BNIP3L: variants seen among roughly 807,000 people sequenced by gnomAD.
BNIP3L encodes BCL2 interacting protein 3 like, also known as BCL2/adenovirus E1B 19 kDa protein-interacting protein 3-like.
In BNIP3L, 10 loss-of-function variants were observed where a neutral mutation model predicts 25.5. The observed-to-expected ratio is 0.39, with a 90% CI of 0.24 to 0.67. The LOEUF (loss-of-function observed/expected upper bound fraction) is 0.67, where lower values mean the gene tolerates loss of function less well. Among genes scored for constraint, BNIP3L ranks in the 30% least tolerant of loss-of-function variants. The pLI, the probability that BNIP3L is intolerant of heterozygous loss-of-function variation, is 0.45. For synonymous variants in BNIP3L, 113 were observed against 101.2 expected, an observed-to-expected ratio of 1.12 and a Z score of -0.70; for missense variants, 215 against 270.9, an observed-to-expected ratio of 0.79 and a Z score of 1.45.
At chr8:26,386,023 G>A (rs1457170105) in intron 1 of BNIP3L, among the ~76,000 whole-genome samples, 1 of 152,130 alleles carries the variant, frequency 6.6e-6, no homozygotes, top group Non-Finnish European at 1.5e-5. Context: ...ATAAGTCGAA[G>A]GACTTTGTTG....
At chr8:26,385,413 A>G (rs954152773) in intron 1 of BNIP3L, among the ~76,000 whole-genome samples, 4 of 152,036 alleles carry the variant, frequency 2.6e-5, no homozygotes, top group East Asian at 3.9e-4. Flanking sequence ...CCTGGCCAAC[A>G]TGGTGAGAGA....
intron 3 of BNIP3L, among the ~76,000 whole-genome samples, chr8:26,404,458 A>C (rs2117490787): frequency 6.6e-6 from 1 of 152,238 alleles, no homozygotes; most frequent in Non-Finnish European, 1.5e-5. Context: ...AGGAAAACTT[A>C]AGTGATCAGA....
At chr8:26,385,142 T>C (rs1483144609) in intron 1 of BNIP3L, among the ~76,000 whole-genome samples, 1 of 152,246 alleles carries the variant, frequency 6.6e-6, no homozygotes, top group Non-Finnish European at 1.5e-5. Flanking sequence ...TGTGTTATTC[T>C]ACCTAATTGA....
chr8:26,406,674 T>C (rs1806506004), intron 3 of BNIP3L, among the ~76,000 whole-genome samples: 1 of 151,922 alleles, frequency 6.6e-6, no homozygotes, highest in East Asian at 1.9e-4. Context: ...ATACAAAAAT[T>C]AGCTGGGCGT....
At position 26,398,849 on chromosome 8, in the gene BNIP3L, C is replaced by G. The variant is rs1806307511; in HGVS notation, c.357+3547C>G. The stretch of plus-strand genomic sequence containing the variant: ...GGATACATTCCTCGACACATACACT[C>G]TCCCAAGACTAAACCAGGAAGAAGT... On this transcript the variant is annotated intron_variant, in intron 3 of 5. Coordinates refer to ENST00000380629, the MANE Select transcript of BNIP3L (RefSeq NM_004331.3). Among the ~76,000 whole-genome samples the G allele has an allele frequency of 2.0e-5, 3 of 152,086 alleles. No individual in the cohort carries two copies. The South Asian group carries it at 6.2e-4, about 31-fold the overall frequency.
At chr8:26,403,148 C>A (rs182743433) in intron 3 of BNIP3L, among the ~76,000 whole-genome samples, 3 of 152,146 alleles carry the variant, frequency 2.0e-5, no homozygotes, top group Non-Finnish European at 4.4e-5. Flanking sequence ...ACAATCAGAT[C>A]GGTCAGTTTC....
At chr8:26,400,612 A>G (rs1806348059) in intron 3 of BNIP3L, among the ~76,000 whole-genome samples, 1 of 140,566 alleles carries the variant, frequency 7.1e-6, no homozygotes, top group African/African-American at 2.7e-5. Context: ...AGAAACTACC[A>G]TCAGAGTGAA....
chr8:26,400,090 A>G (rs1421378631), intron 3 of BNIP3L, among the ~76,000 whole-genome samples: 2 of 150,380 alleles, frequency 1.3e-5, no homozygotes, highest in East Asian at 4.0e-4. Flanking sequence ...GAACCAAAAA[A>G]GAGCCTGCAT....
chr8:26,392,215 T>A (rs1007145810), intron 2 of BNIP3L, among the ~76,000 whole-genome samples: 1 of 151,630 alleles, frequency 6.6e-6, no homozygotes, highest in Non-Finnish European at 1.5e-5. Context: ...TAAATGACAT[T>A]TAAGAAATTC....
chr8:26,407,498 G>GT (rs1028011724), intron 3 of BNIP3L, among the ~76,000 whole-genome samples: 24 of 149,302 alleles, frequency 1.6e-4, no homozygotes, highest in South Asian at 8.6e-4. Context: ...TAAGTTTTGT[G>GT]TTTTTTTTTA....
At chr8:26,401,620 AAAG>A (rs1360135238) in intron 3 of BNIP3L, among the ~76,000 whole-genome samples, 1 of 151,778 alleles carries the variant, frequency 6.6e-6, no homozygotes, top group African/African-American at 2.4e-5. Flanking sequence ...AAAAAAAAAA[AAAG>A]ACCACAGAAT....
chr8:26,392,193 A>G (rs1238250318), intron 2 of BNIP3L, among the ~76,000 whole-genome samples: 4 of 148,180 alleles, frequency 2.7e-5, no homozygotes, highest in Non-Finnish European at 4.5e-5. Flanking sequence ...TTTTTTCAGA[A>G]GGGCTAGATA....
intron 1 of BNIP3L, among the ~76,000 whole-genome samples, chr8:26,385,221 A>G (rs1231101847): frequency 6.6e-6 from 1 of 152,148 alleles, no homozygotes; most frequent in African/African-American, 2.4e-5. Context: ...TTATGAGTGA[A>G]GATACTTGGT....
intron 2 of BNIP3L, among the ~76,000 whole-genome samples, chr8:26,391,715 T>C (rs1171925939): frequency 6.6e-6 from 1 of 152,244 alleles, no homozygotes; most frequent in Non-Finnish European, 1.5e-5. Context: ...TGCTAATTTA[T>C]AGAATTAATC....
chr8:26,392,079 A>G (rs1395938336), intron 2 of BNIP3L, among the ~76,000 whole-genome samples: 1 of 151,964 alleles, frequency 6.6e-6, no homozygotes, highest in Non-Finnish European at 1.5e-5. Flanking sequence ...AATTACATGG[A>G]TTAAGGACTG....
chr8:26,393,075 C>A (rs1806150759), intron 2 of BNIP3L, among the ~76,000 whole-genome samples: 1 of 151,900 alleles, frequency 6.6e-6, no homozygotes, highest in South Asian at 2.1e-4. Context: ...GATTAGTGGT[C>A]ATCTTTCAGA....
chr8:26,408,108 G>GT lies in BNIP3L; in HGVS notation c.461+7dup. The GT allele has an allele frequency of 6.2e-7, 1 of 1,613,890 alleles. No homozygotes were observed. Among genetic ancestry groups the GT allele is most frequent in the Non-Finnish European group, 8.5e-7 (1 of 1,179,758 alleles). On this transcript the variant is annotated splice_donor_region_variant and intron_variant, in intron 4 of 5. Transcript: ENST00000380629. ...ACCCGAAAACATTCCACCCAAGTGA[G>GT]TTCTCACATGTTTCTTGTCAGTGGA...
intron 2 of BNIP3L, among the ~76,000 whole-genome samples, chr8:26,394,942 G>C (rs1487003558): frequency 6.6e-6 from 1 of 152,198 alleles, no homozygotes; most frequent in Non-Finnish European, 1.5e-5. Flanking sequence ...AAATATAAGA[G>C]AATGTGACAG....
chr8:26,403,426 T>C (rs1324777768), intron 3 of BNIP3L, among the ~76,000 whole-genome samples: 1 of 152,162 alleles, frequency 6.6e-6, no homozygotes, highest in Non-Finnish European at 1.5e-5. Flanking sequence ...TCTTATAGAA[T>C]GTTTTTATAT....
Sources: gnomAD v4.1 joint callset for allele counts (sites outside exome capture counted in the v4.1 genomes callset) on GRCh38, gnomAD v4.1.1 for gene constraint, MANE v1.5 for transcripts, NCBI Gene and HGNC (gene_info 2026-07-23, HGNC 2026-07-21) for gene names.